The following PLEC variants were observed in gnomAD, a reference collection of about 807,000 sequenced individuals.
The protein encoded by PLEC is hemidesmosomal protein 1.
PLEC carries 216 observed loss-of-function variants against 392.8 expected under a neutral mutation model. That is an observed-to-expected ratio of 0.55 (90% CI 0.49 to 0.62). The LOEUF is 0.62. Among genes scored for constraint, PLEC ranks in the 20% least tolerant of loss-of-function variants. The probability of loss-of-function intolerance (pLI) is 0.00; values close to 1 mark genes in which losing one functional copy is unlikely to be tolerated. For missense variants in PLEC, 6,863 were observed against 6,563.4 expected, an observed-to-expected ratio of 1.05 and a Z score of -1.58; for synonymous variants, 3,621 against 2,980.6, an observed-to-expected ratio of 1.21 and a Z score of -7.00.
In PLEC at chr8:143,920,223, G is replaced by A. The variant is rs782188586; in HGVS notation, c.9598C>T (p.Arg3200Trp). ...ATYGELQQRC[R>W]PDQLTGLSLL... ...CTCAGCCCGGTCAGCTGGTCGGGCC[G>A]GCACCGCTGCTGGAGCTCGCCGTAG... Residue 3200 changes from arginine (R) to tryptophan (W), a missense_variant, in exon 32 of 32, where the codon CGG becomes TGG. Coordinates refer to ENST00000345136, the MANE Select transcript of PLEC (RefSeq NM_201384.3). 5.9e-5 allele frequency: 94 copies of A among 1,605,604 alleles called. No individual in the cohort carries two copies. Among genetic ancestry groups the A allele is most frequent in the East Asian group, 3.1e-4 (14 of 44,794 alleles).
rs1241738680 is a variant in PLEC at position 143,918,804 on chromosome 8, G to A, written c.11017C>T (p.Leu3673Phe). ...GACTCCGCCTCGAGAGCCTCACGGA[G>A]GCTCCTGGTGCCCTCCCGGAGCAGG... ...YNLLREGTRS[L>F]REALEAESAW... Residue 3673 changes from leucine to phenylalanine, a missense_variant, in exon 32 of 32, where the codon CTC becomes TTC. Transcript: ENST00000345136. 7.4e-6 allele frequency: 12 copies of A among 1,613,192 alleles called. No homozygotes were observed. Among genetic ancestry groups the A allele is most frequent in the Non-Finnish European group, 7.6e-6 (9 of 1,180,012 alleles).
In PLEC at chr8:143,924,691, G is replaced by A. The variant is rs1564046567; in HGVS notation, c.5238C>T (p.Ala1746=). ...LARLQREAAA[A]TQKRQELEAE... is the part of the protein sequence containing the mutation. ...CTTCCAGCTCCTGCCGTTTCTGCGT[G>A]GCTGCAGCCGCCTCACGCTGCAGCC... The change falls in exon 31 of 32, where the codon GCC becomes GCT. Residue 1746 remains alanine, a synonymous_variant. Coordinates refer to ENST00000345136, the MANE Select transcript of PLEC (RefSeq NM_201384.3). 2.0e-6 allele frequency: 3 copies of A among 1,534,306 alleles called. No homozygotes were observed. The East Asian group carries it at 7.4e-5, about 38-fold the overall frequency.
rs782473065 is a variant in PLEC at position 143,933,183 on chromosome 8, A to G, written c.1418+14T>C. ...TGTGTACCTGGGCTTCAGGGAGGGC[A>G]GGGCGGGGCCCACCTGCGGTACATC... On this transcript the variant is annotated intron_variant, in intron 13 of 31. Transcript: ENST00000345136. The G allele has an allele frequency of 1.0e-5, 11 of 1,056,566 alleles. No homozygotes were observed. The highest frequency in any genetic ancestry group is 1.4e-5 in the Non-Finnish European group (10 of 730,610). 65.4% of individuals were successfully genotyped at this position (1,056,566 alleles called of 1,614,324 possible).
Position 143,924,720 on chromosome 8 carries a change from C to A in PLEC, c.5209G>T (p.Ala1737Ser), listed in dbSNP as rs1554698775. 2 of 1,534,496 alleles carry A rather than the reference C, an allele frequency of 1.3e-6. No individual in the cohort carries two copies. The highest frequency in any genetic ancestry group is 2.4e-5 in the South Asian group (2 of 84,044). ...QQRQLLEEEL[A>S]RLQREAAAAT... ...GCAGCCGCCTCACGCTGCAGCCGGG[C>A]CAGCTCCTCCTCCAGCAGCTGCCGC... Residue 1737 changes from alanine to serine, a missense_variant, in exon 31 of 32, where the codon GCC becomes TCC. Physicochemically the swap from Ala to Ser is moderately conservative, Grantham distance 99 (BLOSUM62 1). Coordinates refer to ENST00000345136, the MANE Select transcript of PLEC (RefSeq NM_201384.3).
upstream of PLEC, among the ~76,000 whole-genome samples, chr8:143,952,144 A>G (rs1832221214): frequency 6.6e-6 from 1 of 151,770 alleles, no homozygotes; most frequent in Non-Finnish European, 1.5e-5. Context: ...GGGCGGGTTT[A>G]TGGGGCCGTC....
At position 143,927,772 on chromosome 8, in the gene PLEC, G is replaced by A. The variant is rs2131617691; in HGVS notation, c.3400-6C>T. On this transcript the variant is annotated splice_region_variant and splice_polypyrimidine_tract_variant and intron_variant, in intron 26 of 31. Transcript: ENST00000345136. ...TCGGCCTGGGCCCGCAGCTTCTGTT[G>A]GGGACAGGAGGGACATGTGCGGCTT... The A allele has an allele frequency of 1.3e-6, 2 of 1,599,660 alleles. No homozygotes were observed. The highest frequency in any genetic ancestry group is 1.1e-5 in the South Asian group (1 of 89,270).
chr8:143,965,427 T>TCCACCTGGTCTGCCATCACGCCAGG (rs140231615), intron 1 of PLEC, among the ~76,000 whole-genome samples: 1 of 151,846 alleles, frequency 6.6e-6, no homozygotes, highest in Non-Finnish European at 1.5e-5. Flanking sequence ...CAACTCCCCT[T>TCCACCTGGTCTGCCATCACGCCAGG]CCACTGGGCC....
chr8:143,957,533 C>T (rs1832657797), upstream of PLEC, among the ~76,000 whole-genome samples: 1 of 152,204 alleles, frequency 6.6e-6, no homozygotes, highest in South Asian at 2.1e-4. Flanking sequence ...CTGCAAATTC[C>T]CCACACCACT....
chr8:143,952,570 G>T (rs1381958701), upstream of PLEC, among the ~76,000 whole-genome samples: 1 of 150,996 alleles, frequency 6.6e-6, no homozygotes, highest in Admixed American at 6.6e-5. Context: ...CCCCCACACT[G>T]ACCTCCTGCA....
chr8:143,921,148 G>A lies in PLEC; in HGVS notation c.8673C>T (p.Gly2891=), dbSNP rs782370134. The A allele has an allele frequency of 3.0e-5, 49 of 1,613,286 alleles. No homozygotes were observed. In the Admixed American group the frequency reaches 3.2e-4, roughly 10 times the overall value. Reference sequence around the variant, plus strand: ...CGGAGTCAGTGTAGACCAGCTCCCCGCCCTTGGCAGCCTTATCCGTGAGTG... The same window carrying A: ...CGGAGTCAGTGTAGACCAGCTCCCCACCCTTGGCAGCCTTATCCGTGAGTG... ...LLPLTDKAAK[G]GELVYTDSEA... is the part of the protein sequence containing the mutation. Residue 2891 remains glycine, a synonymous_variant, in exon 32 of 32, where the codon GGC becomes GGT. Transcript: ENST00000345136.
At position 143,920,851 on chromosome 8, in the gene PLEC, C is replaced by G. The variant is rs1355314625; in HGVS notation, c.8970G>C (p.Arg2990Ser). The G allele has an allele frequency of 6.2e-6, 10 of 1,609,690 alleles. No homozygotes were observed. Among genetic ancestry groups the G allele is most frequent in the Non-Finnish European group, 8.5e-6 (10 of 1,179,964 alleles). Residue 2990 changes from arginine to serine, a missense_variant, in exon 32 of 32, where the codon AGG becomes AGC. Physicochemically the swap from Arg to Ser is moderately radical, Grantham distance 110. Transcript: ENST00000345136. The stretch of plus-strand genomic sequence containing the variant: ...GCTGGTAGAGCTCGCGGTCGATGAC[C>G]CTGCTCTCCAGCAGCTCGGCGGCTG... ...LVPAAELLES[R>S]VIDRELYQQL...
intron 21 of PLEC, 35 bp from the exon 22 acceptor site, chr8:143,930,097 GC>G: frequency 6.2e-7 from 1 of 1,602,450 alleles, no homozygotes; most frequent in Non-Finnish European, 8.5e-7. Flanking sequence ...CGTCACCAGC[GC>G]CCCACCCGCC....
upstream of PLEC, chr8:143,942,268 C>G: frequency 8.6e-7 from 1 of 1,162,728 alleles, no homozygotes; most frequent in Admixed American, 2.1e-5. Flanking sequence ...GGGGGCAAGG[C>G]TGCACCGGGC....
At chr8:143,964,547 C>T (rs1453566315) in intron 1 of PLEC, among the ~76,000 whole-genome samples, 4 of 152,150 alleles carry the variant, frequency 2.6e-5, no homozygotes, top group Non-Finnish European at 4.4e-5. Flanking sequence ...CTGGAGCCTC[C>T]GAAGGAGCGT....
chr8:143,930,530 T>G lies in PLEC; in HGVS notation c.2311A>C (p.Lys771Gln), dbSNP rs782509216. Residue 771 changes from lysine to glutamine, a missense_variant, in exon 20 of 32, where the codon AAG (lysine) becomes CAG (glutamine). By Grantham distance (53) the Lys-to-Gln change is moderately conservative (BLOSUM62 1). Transcript: ENST00000345136. The stretch of plus-strand genomic sequence containing the variant: ...CCCTTGTACTCGTTCAGCTGTTCCT[T>G]CTCGTCCTGTGGGGGAGGGGCAGCA... ...EDLLQDAQDE[K>Q]EQLNEYKGHL... The G allele has an allele frequency of 1.3e-6, 2 of 1,591,230 alleles. No homozygotes were observed. Among genetic ancestry groups the G allele is most frequent in the Non-Finnish European group, 1.7e-6 (2 of 1,169,162 alleles).
intron 6 of PLEC, among the ~76,000 whole-genome samples, chr8:143,935,591 C>T (rs1162808712): frequency 6.6e-6 from 1 of 152,200 alleles, no homozygotes; most frequent in Non-Finnish European, 1.5e-5. Flanking sequence ...CCTCCGGAGG[C>T]GTCCACAGAG....
upstream of PLEC, among the ~76,000 whole-genome samples, chr8:143,955,604 T>G (rs985549226): frequency 1.4e-4 from 22 of 151,958 alleles, no homozygotes; most frequent in Non-Finnish European, 5.9e-5. Context: ...GTTTTTTTTT[T>G]GTTTTGTTTT....
intron 1 of PLEC, among the ~76,000 whole-genome samples, chr8:143,938,934 C>T (rs563894613): frequency 2.0e-5 from 3 of 152,226 alleles, no homozygotes; most frequent in South Asian, 2.1e-4. Flanking sequence ...ACTCTTCCCC[C>T]GAGGAAATGG....
At chr8:143,946,649 G>A in intron 1 of PLEC, 2 of 301,354 alleles carry the variant, frequency 6.6e-6, no homozygotes, top group South Asian at 2.4e-5. Flanking sequence ...CCCAGCCCAC[G>A]GGTCTTCCCT....
Sources: gnomAD v4.1 joint callset for allele counts (sites outside exome capture counted in the v4.1 genomes callset) on GRCh38, gnomAD v4.1.1 for gene constraint, MANE v1.5 for transcripts, NCBI Gene and HGNC (gene_info 2026-07-23, HGNC 2026-07-21) for gene names.